Variants in PPP1R16B observed in about 807,000 individuals in gnomAD.
PPP1R16B encodes protein phosphatase 1 regulatory inhibitor subunit 16B.
A neutral mutation model predicts 61.7 loss-of-function variants in PPP1R16B; 14 were observed. The ratio of observed to expected loss-of-function variants is 0.23; its 90% CI spans 0.15 to 0.35. The LOEUF (loss-of-function observed/expected upper bound fraction) is 0.35. Among genes scored for constraint, PPP1R16B ranks in the 10% least tolerant of loss-of-function variants. The probability of loss-of-function intolerance (pLI) is 1.00; values close to 1 mark genes in which losing one functional copy is unlikely to be tolerated. For synonymous variants in PPP1R16B, 266 were observed against 305.3 expected, an observed-to-expected ratio of 0.87 and a Z score of 1.34; for missense variants, 547 against 752.5, an observed-to-expected ratio of 0.73 and a Z score of 3.19.
chr20:38,898,325 A>G (rs1304572400), intron 4 of PPP1R16B, among the ~76,000 whole-genome samples: 1 of 152,044 alleles, frequency 6.6e-6, no homozygotes, highest in East Asian at 1.9e-4. Flanking sequence ...TCTGGACTCT[A>G]TTCTATTTTA....
rs928840844 is a variant in PPP1R16B, at chr20:38,911,498, G to A, written c.1194+3305G>A. Among the ~76,000 whole-genome samples the A allele has an allele frequency of 3.3e-5, 5 of 150,668 alleles. 1 individual carries two copies. The highest frequency in any genetic ancestry group is 7.3e-5 in the African/African-American group (3 of 41,012). On this transcript the variant is annotated intron_variant, in intron 10 of 10. Transcript: ENST00000299824. ...TCTTTTTTATTGCTTTCTAGAATTC[G>A]ATTGTTTGAATATTAAAATTTACAT...
At chr20:38,864,694 A>C (rs2085078210) in intron 2 of PPP1R16B, among the ~76,000 whole-genome samples, 1 of 152,154 alleles carries the variant, frequency 6.6e-6, no homozygotes, top group Non-Finnish European at 1.5e-5. Flanking sequence ...TCATTCACCC[A>C]GAAAGACCAC....
chr20:38,835,260 T>A (rs1426395514), intron 1 of PPP1R16B, among the ~76,000 whole-genome samples: 1 of 152,226 alleles, frequency 6.6e-6, no homozygotes, highest in East Asian at 1.9e-4. Flanking sequence ...AAGTGTCAGA[T>A]GTTCATAATT....
At chr20:38,850,844 T>G (rs1442227594) in intron 2 of PPP1R16B, among the ~76,000 whole-genome samples, 2 of 151,740 alleles carry the variant, frequency 1.3e-5, no homozygotes, top group Non-Finnish European at 2.9e-5. Flanking sequence ...GGTGGGCACC[T>G]GTAGTCCCAG....
intron 2 of PPP1R16B, among the ~76,000 whole-genome samples, chr20:38,873,890 G>C (rs963056702): frequency 4.6e-5 from 7 of 151,876 alleles, no homozygotes; most frequent in Non-Finnish European, 1.0e-4. Flanking sequence ...CACCACACTC[G>C]GCTAATTTTT....
intron 10 of PPP1R16B, among the ~76,000 whole-genome samples, chr20:38,916,291 A>G (rs2085539125): frequency 6.8e-6 from 1 of 147,998 alleles, no homozygotes; most frequent in South Asian, 2.1e-4. Context: ...ATATATATAT[A>G]TAACATATAT....
rs189116541 is a variant in PPP1R16B, at chr20:38,873,654, A to G, written c.251-15941A>G. On this transcript the variant is annotated intron_variant, in intron 2 of 10. Coordinates refer to ENST00000299824, the MANE Select transcript of PPP1R16B (RefSeq NM_015568.4). ...TCACTCCCTCACTGGTGGTCTTTTC[A>G]CAGGACTGCTAAGTCCACACTATGA... Among the ~76,000 whole-genome samples the G allele has an allele frequency of 5.5e-4, 83 of 152,072 alleles. 1 individual carries two copies. Among genetic ancestry groups the G allele is most frequent in the African/African-American group, 1.9e-3 (78 of 41,484 alleles).
chr20:38,911,957 C>T (rs1003921635), intron 10 of PPP1R16B, among the ~76,000 whole-genome samples: 2 of 152,112 alleles, frequency 1.3e-5, no homozygotes, highest in Admixed American at 1.3e-4. Flanking sequence ...GTTGGGAAAA[C>T]ACCCAGGAAA....
intron 3 of PPP1R16B, among the ~76,000 whole-genome samples, chr20:38,892,021 A>G (rs779615319): frequency 1.7e-4 from 26 of 152,218 alleles, no homozygotes; most frequent in Admixed American, 6.5e-5. Flanking sequence ...GGATTTAAAG[A>G]AACAGTGGCT....
At chr20:38,905,763 GAGA>G (rs1430188312) in intron 6 of PPP1R16B, among the ~76,000 whole-genome samples, 1 of 152,168 alleles carries the variant, frequency 6.6e-6, no homozygotes, top group Admixed American at 6.5e-5. Context: ...AACCACAGGG[GAGA>G]AGAATTCAGC....
intron 2 of PPP1R16B, among the ~76,000 whole-genome samples, chr20:38,858,035 G>T (rs1305937740): frequency 6.6e-6 from 1 of 152,036 alleles, no homozygotes; most frequent in Non-Finnish European, 1.5e-5. Flanking sequence ...CTCTCTTCCT[G>T]GCTTTCCACC....
At chr20:38,850,010 G>A (rs768274306) in intron 2 of PPP1R16B, among the ~76,000 whole-genome samples, 5 of 152,172 alleles carry the variant, frequency 3.3e-5, no homozygotes, top group African/African-American at 4.8e-5. Context: ...CAGTGTTCAC[G>A]TAGTGGAGAG....
chr20:38,877,783 T>C (rs1042325775), intron 2 of PPP1R16B, among the ~76,000 whole-genome samples: 5 of 152,302 alleles, frequency 3.3e-5, no homozygotes, highest in African/African-American at 1.2e-4. Flanking sequence ...TTGATCAGCC[T>C]AAAGTTGATT....
At chr20:38,889,126 G>T (rs1270531928) in intron 2 of PPP1R16B, among the ~76,000 whole-genome samples, 1 of 152,152 alleles carries the variant, frequency 6.6e-6, no homozygotes, top group Non-Finnish European at 1.5e-5. Flanking sequence ...TGGCCACTGT[G>T]CTGAGCCCCT....
At chr20:38,868,716 G>C (rs543777) in intron 2 of PPP1R16B, among the ~76,000 whole-genome samples, 116,524 of 151,898 alleles carry the variant, frequency 0.77, 44,872 homozygotes, top group South Asian at 0.85. Context: ...TTCACCAATT[G>C]GATCCAGATT....
At chr20:38,839,958 A>C (rs2084899100) in intron 2 of PPP1R16B, among the ~76,000 whole-genome samples, 1 of 152,238 alleles carries the variant, frequency 6.6e-6, no homozygotes, top group African/African-American at 2.4e-5. Context: ...TTTGAATGAG[A>C]AAAGTGCTAG....
intron 2 of PPP1R16B, among the ~76,000 whole-genome samples, chr20:38,878,170 T>C (rs989317288): frequency 6.6e-6 from 1 of 152,220 alleles, no homozygotes; most frequent in Non-Finnish European, 1.5e-5. Flanking sequence ...ATATGGAAGA[T>C]ACAAGTAGTG....
chr20:38,808,060 T>C (rs1263723663), intron 1 of PPP1R16B, among the ~76,000 whole-genome samples: 1 of 152,206 alleles, frequency 6.6e-6, no homozygotes, highest in Non-Finnish European at 1.5e-5. Flanking sequence ...AGGATACTGA[T>C]GTAGGCAGGT....
intron 2 of PPP1R16B, among the ~76,000 whole-genome samples, chr20:38,836,605 G>T (rs1364544442): frequency 6.6e-6 from 1 of 152,188 alleles, no homozygotes; most frequent in African/African-American, 2.4e-5. Flanking sequence ...TGATCTGCCC[G>T]CCATTGGTCT....
Sources: gnomAD v4.1 joint callset for allele counts (sites outside exome capture counted in the v4.1 genomes callset) on GRCh38, gnomAD v4.1.1 for gene constraint, MANE v1.5 for transcripts, NCBI Gene and HGNC (gene_info 2026-07-23, HGNC 2026-07-21) for gene names.